The following LRP2 variants were observed in gnomAD, a reference collection of about 807,000 sequenced individuals.
The protein encoded by LRP2 is LDL receptor related protein 2.
LRP2 carries 172 observed loss-of-function variants against 531.0 expected under a neutral mutation model. That is an observed-to-expected ratio of 0.32 (90% CI 0.29 to 0.37). The LOEUF (loss-of-function observed/expected upper bound fraction) is 0.37. Among genes scored for constraint, LRP2 ranks in the 10% least tolerant of loss-of-function variants. The pLI, the probability that LRP2 is intolerant of heterozygous loss-of-function variation, is 1.00. For synonymous variants in LRP2, 1,992 were observed against 2,027.6 expected (o/e 0.98, Z 0.47); for missense variants, 5,167 against 5,868.3 (o/e 0.88, Z 3.90).
At chr2:169,302,553 A>G (rs1684311484) in intron 4 of LRP2, among the ~76,000 whole-genome samples, 1 of 152,164 alleles carries the variant, frequency 6.6e-6, no homozygotes, top group African/African-American at 2.4e-5. Flanking sequence ...GGATACTGTT[A>G]GACATTCTAC....
At chr2:169,347,790 C>A in intron 1 of LRP2, among the ~76,000 whole-genome samples, 1 of 152,210 alleles carries the variant, frequency 6.6e-6, no homozygotes. Context: ...AGTTACATCA[C>A]GCCTAGAGCA....
At chr2:169,289,886 A>G (rs1315054985) in intron 8 of LRP2, among the ~76,000 whole-genome samples, 1 of 150,082 alleles carries the variant, frequency 6.7e-6, no homozygotes, top group Non-Finnish European at 1.5e-5. Context: ...AATGAAATAG[A>G]GAAAAAAATG....
At chr2:169,270,446 G>A (rs1217848380) in intron 16 of LRP2, among the ~76,000 whole-genome samples, 3 of 152,146 alleles carry the variant, frequency 2.0e-5, no homozygotes, top group African/African-American at 7.2e-5. Flanking sequence ...ATGAGTTCAT[G>A]TTCTTTACAG....
chr2:169,241,197 T>G lies in LRP2; in HGVS notation c.3836A>C (p.Asp1279Ala), dbSNP rs17848149. The G allele has an allele frequency of 0.024, 38,925 of 1,614,134 alleles. 724 individuals carry two copies. The highest frequency in any genetic ancestry group is 0.076 in the African/African-American group (5,728 of 75,012). Reference protein sequence around the residue: ...KTCPSSYFHCDNGNCIHRAWL... With the variant: ...KTCPSSYFHCANGNCIHRAWL... ...TGCCCTGTGGATGCAGTTTCCGTTG[T>G]CACAGTGGAAATATGATGAAGGGCA... The change falls in exon 25 of 79, where the codon GAC becomes GCC. Residue 1279 changes from aspartate to alanine, a missense_variant. Asp to Ala is a moderately radical substitution (Grantham distance 126). Transcript: ENST00000649046.
chr2:169,324,712 G>T (rs1161601839), intron 1 of LRP2, among the ~76,000 whole-genome samples: 1 of 151,958 alleles, frequency 6.6e-6, no homozygotes, highest in African/African-American at 2.4e-5. Context: ...CTAAGAATGT[G>T]TTAAGATAAG....
At chr2:169,359,735 A>G (rs1161308439) in intron 1 of LRP2, among the ~76,000 whole-genome samples, 1 of 152,212 alleles carries the variant, frequency 6.6e-6, no homozygotes, top group Admixed American at 6.5e-5. Context: ...ATGAAGCAGC[A>G]GGTGGTACGA....
chr2:169,152,432 G>T (rs1574075522), intron 67 of LRP2, among the ~76,000 whole-genome samples: 1 of 152,180 alleles, frequency 6.6e-6, no homozygotes, highest in African/African-American at 2.4e-5. Flanking sequence ...AATGAGCAGT[G>T]CTGCCATACT....
chr2:169,281,907 T>C (rs958153221), intron 10 of LRP2, among the ~76,000 whole-genome samples: 1 of 152,084 alleles, frequency 6.6e-6, no homozygotes, highest in African/African-American at 2.4e-5. Flanking sequence ...TTCTTGTTTA[T>C]TCATTAAAAA....
intron 16 of LRP2, among the ~76,000 whole-genome samples, chr2:169,268,763 C>T (rs891433628): frequency 6.6e-6 from 1 of 152,136 alleles, no homozygotes; most frequent in East Asian, 1.9e-4. Context: ...GGCAATTAGT[C>T]AGGAGAAGGA....
chr2:169,345,811 A>G (rs1685682562), intron 1 of LRP2, among the ~76,000 whole-genome samples: 1 of 151,598 alleles, frequency 6.6e-6, no homozygotes. Context: ...ATCCTACATG[A>G]CTCTTGTCGT....
chr2:169,192,004 G>C lies in LRP2; in HGVS notation c.8860C>G (p.Leu2954Val). Residue 2954 changes from leucine (L) to valine (V), a missense_variant, in exon 48 of 79, where the codon CTC becomes GTC. Physicochemically the swap from Leu to Val is conservative, Grantham distance 32. This residue lies in a region of LRP2 where 1,129 missense variants were observed against 1,362.7 expected (regional missense o/e 0.83). Transcript: ENST00000649046. ...QNQNCSDSEF[L>V]CVNDRPPDRR... Reference sequence around the variant, plus strand: ...TCCGGAGGTCTGTCATTTACACAGAGAAACTCGGAATCCGAGCAGTTTTGA... The same window carrying C: ...TCCGGAGGTCTGTCATTTACACAGACAAACTCGGAATCCGAGCAGTTTTGA... 1 of 1,613,228 alleles carries C rather than the reference G, an allele frequency of 6.2e-7. No individual in the cohort carries two copies. The highest frequency in any genetic ancestry group is 2.2e-5 in the East Asian group (1 of 44,882).
intron 1 of LRP2, among the ~76,000 whole-genome samples, chr2:169,329,903 C>T (rs910867606): frequency 6.6e-6 from 1 of 152,196 alleles, no homozygotes; most frequent in Non-Finnish European, 1.5e-5. Context: ...AGGTGAGAGG[C>T]GGGTGAGTGA....
chr2:169,238,836 G>T (rs1430062252), intron 26 of LRP2, among the ~76,000 whole-genome samples: 2 of 152,166 alleles, frequency 1.3e-5, no homozygotes, highest in African/African-American at 4.8e-5. Flanking sequence ...GAAGTTTGGA[G>T]TGACCACATG....
intron 19 of LRP2, among the ~76,000 whole-genome samples, chr2:169,248,802 G>T (rs1468010369): frequency 7.7e-6 from 1 of 129,732 alleles, no homozygotes; most frequent in Non-Finnish European, 1.6e-5. Context: ...CCGAAGCAGA[G>T]CGAGGCATTG....
intron 63 of LRP2, among the ~76,000 whole-genome samples, chr2:169,160,685 A>AAAAAAAAAAAAAAAAAC (rs970862922): frequency 4.2e-5 from 4 of 94,248 alleles, no homozygotes; most frequent in African/African-American, 1.4e-4. Context: ...ATTTCCTTAA[A>AAAAAAAAAAAAAAAAAC]AAAAAAAAAA....
At position 169,256,226 on chromosome 2, in the gene LRP2, A is replaced by G; in HGVS notation, c.2650T>C (p.Leu884=). Reference sequence around the variant, plus strand: ...TCAAAATAGGCATCTACCCAGTACAATCGTGAAGCACTAAAATAATAAAAT... The same window carrying G: ...TCAAAATAGGCATCTACCCAGTACAGTCGTGAAGCACTAAAATAATAAAAT... The part of the protein sequence containing the change: ...GLAIDWAASR[L]YWVDAYFDKI... The change falls in exon 19 of 79, where the codon TTG becomes CTG. Residue 884 remains leucine, a synonymous_variant. Transcript: ENST00000649046. 1 of 1,612,282 alleles carries G rather than the reference A, an allele frequency of 6.2e-7. No homozygotes were observed. The highest frequency in any genetic ancestry group is 8.5e-7 in the Non-Finnish European group (1 of 1,178,698).
chr2:169,168,633 G>A lies in LRP2; in HGVS notation c.11541C>T (p.Phe3847=), dbSNP rs919791905. ...PDGAYCQATM[F]ECKNHVCIPP... is the part of the protein sequence containing the mutation. ...GGATACAAACATGGTTTTTGCATTC[G>A]AACATAGTAGCCTGGCAGTATGCAC... The change falls in exon 61 of 79, where the codon TTC becomes TTT. Residue 3847 remains phenylalanine (F), a synonymous_variant. Transcript: ENST00000649046. 26 of 1,614,020 alleles carry A rather than the reference G, an allele frequency of 1.6e-5. No homozygotes were observed. The highest frequency in any genetic ancestry group is 6.7e-5 in the East Asian group (3 of 44,856).
At chr2:169,147,640 C>T (rs966878590) in intron 68 of LRP2, among the ~76,000 whole-genome samples, 1 of 152,150 alleles carries the variant, frequency 6.6e-6, no homozygotes, top group South Asian at 2.1e-4. Flanking sequence ...ATGTCTTTTG[C>T]ATCCAATTAA....
chr2:169,280,574 A>C (rs1252176375), intron 10 of LRP2, 55 bp from the exon 11 acceptor site: 4 of 1,542,044 alleles, frequency 2.6e-6, no homozygotes, highest in Admixed American at 3.4e-5. Flanking sequence ...AGGATGGTGA[A>C]GTAGCTTACA....
Sources: gnomAD v4.1 joint callset for allele counts (sites outside exome capture counted in the v4.1 genomes callset) on GRCh38, gnomAD v4.1.1 for gene constraint, gnomAD v4.1.1 regional missense constraint, MANE v1.5 for transcripts, NCBI Gene and HGNC (gene_info 2026-07-23, HGNC 2026-07-21) for gene names.